The following GRID2 variants were observed in gnomAD, a reference collection of about 807,000 sequenced individuals.
GRID2 encodes the protein glutamate ionotropic receptor delta type subunit 2.
A neutral mutation model predicts 114.8 loss-of-function variants in GRID2; 33 were observed. The observed-to-expected ratio is 0.29, with a 90% confidence interval of 0.22 to 0.38. The LOEUF is 0.38. GRID2 is among the 10% of genes least tolerant of loss of function. The probability of loss-of-function intolerance (pLI) is 1.00; values close to 1 mark genes in which losing one functional copy is unlikely to be tolerated. For missense variants in GRID2, 1,184 were observed against 1,257.7 expected (o/e 0.94, Z 0.89); for synonymous variants, 505 against 449.9 (o/e 1.12, Z -1.55).
intron 2 of GRID2, among the ~76,000 whole-genome samples, chr4:92,893,573 A>G (rs1036546497): frequency 3.3e-5 from 5 of 152,158 alleles, no homozygotes; most frequent in Non-Finnish European, 5.9e-5. Context: ...ATATTATAAC[A>G]TAGTAGCCCA....
chr4:92,411,271 C>G (rs1176867451), intron 1 of GRID2, among the ~76,000 whole-genome samples: 1 of 151,968 alleles, frequency 6.6e-6, no homozygotes, highest in African/African-American at 2.4e-5. Context: ...CAGAATGGAC[C>G]TTTAGAATTT....
At chr4:93,239,294 T>G (rs1163004296) in intron 8 of GRID2, among the ~76,000 whole-genome samples, 5 of 150,018 alleles carry the variant, frequency 3.3e-5, no homozygotes, top group Non-Finnish European at 7.4e-5. Context: ...ATCATATGTA[T>G]ATATACACAC....
intron 2 of GRID2, among the ~76,000 whole-genome samples, chr4:92,988,316 G>A (rs572129402): frequency 6.6e-6 from 1 of 152,110 alleles, no homozygotes; most frequent in Non-Finnish European, 1.5e-5. Context: ...TTGTACTAAG[G>A]CTTCAGTTCC....
intron 8 of GRID2, among the ~76,000 whole-genome samples, chr4:93,291,027 A>G (rs1054250047): frequency 1.3e-5 from 2 of 151,568 alleles, no homozygotes; most frequent in Non-Finnish European, 2.9e-5. Flanking sequence ...ACAGGCGCCC[A>G]CCACCAAGCC....
intron 14 of GRID2, among the ~76,000 whole-genome samples, chr4:93,663,712 T>G (rs1174184053): frequency 1.3e-5 from 2 of 152,166 alleles, no homozygotes; most frequent in African/African-American, 4.8e-5. Flanking sequence ...AATTTTTGGC[T>G]AGAAAAACGT....
intron 2 of GRID2, among the ~76,000 whole-genome samples, chr4:92,999,281 A>C (rs1755398324): frequency 6.6e-6 from 1 of 151,822 alleles, no homozygotes; most frequent in African/African-American, 2.4e-5. Flanking sequence ...CTTTGTCTTC[A>C]TTTATTAATT....
intron 14 of GRID2, among the ~76,000 whole-genome samples, chr4:93,748,234 G>A (rs574711626): frequency 3.0e-4 from 45 of 152,134 alleles, no homozygotes; most frequent in Non-Finnish European, 5.4e-4. Context: ...TCTCAAGTAA[G>A]CCATCATCTA....
chr4:93,520,468 T>C (rs1406128205), intron 13 of GRID2, among the ~76,000 whole-genome samples: 1 of 151,998 alleles, frequency 6.6e-6, no homozygotes, highest in Non-Finnish European at 1.5e-5. Flanking sequence ...GCATATAGTT[T>C]GGAGAGAGGG....
chr4:93,190,201 A>G (rs1185044619), intron 4 of GRID2, among the ~76,000 whole-genome samples: 1 of 152,178 alleles, frequency 6.6e-6, no homozygotes, highest in Non-Finnish European at 1.5e-5. Flanking sequence ...AAATAAAAAG[A>G]AACAACAAAC....
chr4:92,426,153 C>T lies in GRID2; in HGVS notation c.88+121409C>T, dbSNP rs183784271. Among the ~76,000 whole-genome samples the T allele has an allele frequency of 2.6e-3, 397 of 152,194 alleles. 1 individual carries two copies. The highest frequency in any genetic ancestry group is 4.1e-3 in the Non-Finnish European group (279 of 67,954). On this transcript the variant is annotated intron_variant, in intron 1 of 15. Coordinates refer to ENST00000282020, the MANE Select transcript of GRID2 (RefSeq NM_001510.4). ...ATACATCTCTGGCATGTAGTTTTCT[C>T]AGATATTTGATCAGTTTCATATGTC... is the stretch of plus-strand genomic sequence containing the variant.
chr4:93,768,068 G>A (rs1733813234), intron 14 of GRID2, among the ~76,000 whole-genome samples: 2 of 152,122 alleles, frequency 1.3e-5, no homozygotes, highest in African/African-American at 4.8e-5. Flanking sequence ...CTTGCACGCT[G>A]AAGTGTCTCC....
intron 2 of GRID2, among the ~76,000 whole-genome samples, chr4:92,900,041 C>T (rs1747458010): frequency 6.6e-6 from 1 of 151,980 alleles, no homozygotes; most frequent in Admixed American, 6.6e-5. Context: ...CTTTCAGGAC[C>T]AGCTGAAGGG....
At chr4:93,259,479 T>C (rs1399893649) in intron 8 of GRID2, among the ~76,000 whole-genome samples, 1 of 151,822 alleles carries the variant, frequency 6.6e-6, no homozygotes, top group East Asian at 1.9e-4. Flanking sequence ...ATATGTCAAA[T>C]CTTACCAAAT....
intron 2 of GRID2, among the ~76,000 whole-genome samples, chr4:92,997,465 A>T (rs1248577572): frequency 6.6e-6 from 1 of 152,112 alleles, no homozygotes; most frequent in African/African-American, 2.4e-5. Flanking sequence ...TAAATTATTA[A>T]CTCATGAAAA....
At chr4:92,584,781 G>A (rs998143232) in intron 1 of GRID2, among the ~76,000 whole-genome samples, 5 of 151,858 alleles carry the variant, frequency 3.3e-5, no homozygotes, top group African/African-American at 1.2e-4. Context: ...AATGCTTAAA[G>A]TGAAAAAAGC....
At chr4:93,282,660 G>A (rs1752767822) in intron 8 of GRID2, among the ~76,000 whole-genome samples, 1 of 151,986 alleles carries the variant, frequency 6.6e-6, no homozygotes, top group Admixed American at 6.6e-5. Context: ...CAACACATGA[G>A]CTTTTGGGGA....
chr4:92,553,161 T>C (rs1416904473), intron 1 of GRID2, among the ~76,000 whole-genome samples: 1 of 152,212 alleles, frequency 6.6e-6, no homozygotes, highest in African/African-American at 2.4e-5. Flanking sequence ...TAGAATAGGG[T>C]GATTACCAAT....
intron 13 of GRID2, among the ~76,000 whole-genome samples, chr4:93,602,955 A>T (rs1424991286): frequency 6.6e-6 from 1 of 152,230 alleles, no homozygotes; most frequent in Middle Eastern, 3.2e-3. Flanking sequence ...CACGCCTGTA[A>T]TCCCAGCACT....
intron 10 of GRID2, among the ~76,000 whole-genome samples, chr4:93,446,880 A>G (rs915895694): frequency 2.0e-5 from 3 of 151,416 alleles, no homozygotes; most frequent in African/African-American, 7.3e-5. Context: ...TAAATAGTAC[A>G]ATTAATATAT....
Sources: allele counts gnomAD v4.1 joint callset (sites outside exome capture counted in the v4.1 genomes callset), GRCh38; gene constraint gnomAD v4.1.1; transcripts MANE v1.5; gene names NCBI Gene and HGNC (gene_info 2026-07-23, HGNC 2026-07-21).